Variants in PIEZO2 observed in about 807,000 individuals in gnomAD.
PIEZO2 encodes piezo-type mechanosensitive ion channel component 2.
A neutral mutation model predicts 337.3 loss-of-function variants in PIEZO2; 172 were observed. The observed-to-expected ratio is 0.51, with a 90% CI of 0.45 to 0.58. The LOEUF (loss-of-function observed/expected upper bound fraction) is 0.58, where lower values mean the gene tolerates loss of function less well. Ranked by LOEUF, PIEZO2 falls within the 20% of genes least tolerant of loss-of-function variation. The pLI, the probability that PIEZO2 is intolerant of heterozygous loss-of-function variation, is 0.00. For missense variants in PIEZO2, 3,028 were observed against 3,391.3 expected (o/e 0.89, Z 2.66); for synonymous variants, 1,251 against 1,228.5 (o/e 1.02, Z -0.38).
chr18:11,089,953 C>T (rs1436126434), intron 1 of PIEZO2, among the ~76,000 whole-genome samples: 1 of 152,186 alleles, frequency 6.6e-6, no homozygotes, highest in African/African-American at 2.4e-5. Context: ...TCCTCTTCTC[C>T]TTACAGAGAA....
chr18:10,774,844 CAATA>C (rs1410917794), intron 18 of PIEZO2, among the ~76,000 whole-genome samples: 1 of 152,112 alleles, frequency 6.6e-6, no homozygotes, highest in Non-Finnish European at 1.5e-5. Context: ...ACAAGATGGA[CAATA>C]AATAATATTA....
chr18:10,901,045 G>T (rs1230980741), intron 4 of PIEZO2, among the ~76,000 whole-genome samples: 1 of 152,184 alleles, frequency 6.6e-6, no homozygotes, highest in Admixed American at 6.5e-5. Flanking sequence ...TTTCATTAGT[G>T]CCAGAGAATA....
chr18:10,832,965 C>G (rs1467317587), intron 7 of PIEZO2, among the ~76,000 whole-genome samples: 1 of 152,228 alleles, frequency 6.6e-6, no homozygotes, highest in Non-Finnish European at 1.5e-5. Flanking sequence ...TGCCTGCCCT[C>G]CGGGGGTGCA....
At chr18:10,755,373 A>G (rs2037796026) in intron 27 of PIEZO2, among the ~76,000 whole-genome samples, 1 of 152,120 alleles carries the variant, frequency 6.6e-6, no homozygotes, top group Non-Finnish European at 1.5e-5. Flanking sequence ...TGAGGATCAG[A>G]GGTTAGGAAA....
chr18:10,835,889 C>T (rs1477632423), intron 7 of PIEZO2, among the ~76,000 whole-genome samples: 1 of 152,242 alleles, frequency 6.6e-6, no homozygotes. Flanking sequence ...CTCTGACTCA[C>T]AGTACTTTTG....
At chr18:11,086,758 G>T (rs1009083845) in intron 1 of PIEZO2, among the ~76,000 whole-genome samples, 2 of 149,508 alleles carry the variant, frequency 1.3e-5, no homozygotes, top group Admixed American at 1.3e-4. Flanking sequence ...ATAATTTCGG[G>T]TTTTTTTTTT....
At chr18:10,731,362 C>T in intron 36 of PIEZO2, 45 bp downstream of exon 36, 1 of 1,394,932 alleles carries the variant, frequency 7.2e-7, no homozygotes, top group Non-Finnish European at 9.7e-7. Context: ...GGAGCACAGC[C>T]TGAAACCTGC....
At chr18:11,022,762 T>C (rs2036360004) in intron 2 of PIEZO2, among the ~76,000 whole-genome samples, 1 of 152,214 alleles carries the variant, frequency 6.6e-6, no homozygotes, top group Admixed American at 6.5e-5. Context: ...TGCATAGAAC[T>C]CTAGGCTATT....
At chr18:10,867,823 A>G (rs1393382000) in intron 5 of PIEZO2, among the ~76,000 whole-genome samples, 1 of 152,254 alleles carries the variant, frequency 6.6e-6, no homozygotes, top group African/African-American at 2.4e-5. Context: ...TTAAGATTTC[A>G]GATCAGGAAA....
In PIEZO2 at chr18:10,775,437, C is replaced by T. The variant is rs1568043313; in HGVS notation, c.2535-1399G>A. 6.6e-6 allele frequency among the ~76,000 whole-genome samples: 1 copy of T among 152,098 alleles called. No individual in the cohort carries two copies. Among genetic ancestry groups the T allele is most frequent in the Non-Finnish European group, 1.5e-5 (1 of 68,020 alleles). On this transcript the variant is annotated intron_variant, in intron 18 of 55. Transcript: ENST00000674853. The surrounding 1 kb of genome is among the most constrained non-coding windows in gnomAD (Gnocchi z 4.3). ...ATGCATTTTATAAATGAAAAGATAC[C>T]TTTATTAAGACAAGGAATTCGGTGG... is the stretch of plus-strand genomic sequence containing the variant.
intron 21 of PIEZO2, among the ~76,000 whole-genome samples, chr18:10,764,559 C>T (rs1379380853): frequency 1.3e-5 from 2 of 148,258 alleles, no homozygotes; most frequent in African/African-American, 5.0e-5. Flanking sequence ...CACTGCACTC[C>T]AGCCTGGGTG....
Position 10,870,555 on chromosome 18 carries a change from C to CTATCTTTCCACTA in PIEZO2, c.492+697_492+698insTAGTGGAAAGATA, listed in dbSNP as rs1568148873. Among the ~76,000 whole-genome samples the CTATCTTTCCACTA allele has an allele frequency of 2.6e-5, 4 of 152,184 alleles. No individual in the cohort carries two copies. The highest frequency in any genetic ancestry group is 4.4e-5 in the Non-Finnish European group (3 of 68,034). ...ACCTAACAAAGTACAGTTATTAGAA[C>CTATCTTTCCACTA]ATAACAGTGTCCTGAGGCTGGTCAG... On this transcript the variant is annotated intron_variant, in intron 5 of 55. Transcript: ENST00000674853. The surrounding 1 kb of genome is among the most constrained non-coding windows in gnomAD (Gnocchi z 5.3).
intron 36 of PIEZO2, among the ~76,000 whole-genome samples, chr18:10,728,911 C>G (rs1352191152): frequency 6.9e-6 from 1 of 145,182 alleles, no homozygotes; most frequent in Non-Finnish European, 1.5e-5. Flanking sequence ...GCTGAGATGG[C>G]GCCACTGCAC....
intron 20 of PIEZO2, among the ~76,000 whole-genome samples, chr18:10,770,522 C>T (rs2038555979): frequency 6.6e-6 from 1 of 152,112 alleles, no homozygotes; most frequent in Non-Finnish European, 1.5e-5. Context: ...GACAATGTGG[C>T]TTTTGTCCAC....
chr18:10,770,399 G>A, intron 20 of PIEZO2, 91 bp from the exon 21 acceptor site: 2 of 1,292,128 alleles, frequency 1.5e-6, no homozygotes, highest in South Asian at 3.2e-5. Context: ...TGGAATGAGA[G>A]GCTGCAAAAT....
intron 11 of PIEZO2, among the ~76,000 whole-genome samples, chr18:10,799,418 A>T (rs2039724177): frequency 6.6e-6 from 1 of 152,242 alleles, no homozygotes; most frequent in Admixed American, 6.5e-5. Flanking sequence ...AGACCTTCAC[A>T]GTCTTCAAGG....
chr18:11,083,418 G>A lies in PIEZO2; in HGVS notation c.65-17196C>T, dbSNP rs1367340157. ...ATTCTTGGCGTAGAATGAGAGATCC[G>A]AAGGAGTCCAGGTAAGGGCAGAAAT... On this transcript the variant is annotated intron_variant, in intron 1 of 55. Transcript: ENST00000674853. The surrounding 1 kb of genome is among the most constrained non-coding windows in gnomAD (Gnocchi z 4.4). 6.6e-6 allele frequency among the ~76,000 whole-genome samples: 1 copy of A among 152,202 alleles called. No homozygotes were observed. The highest frequency in any genetic ancestry group is 1.5e-5 in the Non-Finnish European group (1 of 68,026).
Position 11,028,042 on chromosome 18 carries a change from T to C in PIEZO2, c.160+38085A>G, listed in dbSNP as rs1038919729. On this transcript the variant is annotated intron_variant, in intron 2 of 55. Transcript: ENST00000674853. This position sits in a 1 kb window ranked among gnomAD's most constrained non-coding sequence, Gnocchi z 4.8. ...ACCTGCCAAGTGTCCCTGTGGCTAG[T>C]CCAAGCACCGTCACAGAGGGACAAG... 6.6e-6 allele frequency among the ~76,000 whole-genome samples: 1 copy of C among 152,202 alleles called. No individual in the cohort carries two copies. The highest frequency in any genetic ancestry group is 2.4e-5 in the African/African-American group (1 of 41,460).
rs568340072 is a variant in PIEZO2, at chr18:10,989,920, G to A, written c.161-10260C>T. 6.6e-5 allele frequency among the ~76,000 whole-genome samples: 10 copies of A among 152,098 alleles called. No individual in the cohort carries two copies. The South Asian group carries it at 1.7e-3, about 25-fold the overall frequency. The stretch of plus-strand genomic sequence containing the variant: ...ATTACTTAAGTATGCCTAATTCTCC[G>A]ACCCAGTCATCACATTCCTAATTAT... On this transcript the variant is annotated intron_variant, in intron 2 of 55. Coordinates refer to ENST00000674853, the MANE Select transcript of PIEZO2 (RefSeq NM_001378183.1).
Sources: gnomAD v4.1 joint callset for allele counts (sites outside exome capture counted in the v4.1 genomes callset) on GRCh38, gnomAD v4.1.1 for gene constraint, Gnocchi (gnomAD v3.1) non-coding constraint, MANE v1.5 for transcripts, NCBI Gene and HGNC (gene_info 2026-07-23, HGNC 2026-07-21) for gene names.